IPPK: variants seen among roughly 807,000 people sequenced by gnomAD.
IPPK encodes the protein IPK1 homolog.
In IPPK, 22 loss-of-function variants were observed where a neutral mutation model predicts 64.6. The ratio of observed to expected loss-of-function variants is 0.34; its 90% CI spans 0.24 to 0.49. The LOEUF (loss-of-function observed/expected upper bound fraction) is 0.49. Among genes scored for constraint, IPPK ranks in the 20% least tolerant of loss-of-function variants. IPPK has a pLI of 0.99. For missense variants in IPPK, 532 were observed against 630.7 expected, an observed-to-expected ratio of 0.84 and a Z score of 1.68; for synonymous variants, 262 against 247.2, an observed-to-expected ratio of 1.06 and a Z score of -0.56.
intron 7 of IPPK, 76 bp downstream of exon 7, chr9:92,642,676 C>G (rs568154829): frequency 3.1e-6 from 4 of 1,276,464 alleles, no homozygotes; most frequent in Non-Finnish European, 4.6e-6. Flanking sequence ...AAATACCCCC[C>G]ACCAGGCACT....
intron 7 of IPPK, among the ~76,000 whole-genome samples, chr9:92,641,092 C>T (rs188947902): frequency 2.6e-5 from 4 of 152,356 alleles, no homozygotes; most frequent in Admixed American, 2.6e-4. Context: ...GGGAACCCCA[C>T]CAGCTGCATC....
rs1334910561 is a variant in IPPK, at chr9:92,655,707, T to C, written c.225+749A>G. On this transcript the variant is annotated intron_variant, in intron 3 of 12. Coordinates refer to ENST00000287996, the MANE Select transcript of IPPK (RefSeq NM_022755.6). The stretch of plus-strand genomic sequence containing the variant: ...GTTCCTTCCTCAAGGAGAAAACTTG[T>C]CACGGCACAGAGCCATCTAAGGGAT... 2.6e-5 allele frequency among the ~76,000 whole-genome samples: 4 copies of C among 152,154 alleles called. No individual in the cohort carries two copies. In the East Asian group the frequency reaches 5.8e-4, roughly 22 times the overall value.
chr9:92,638,113 C>T lies in IPPK; in HGVS notation c.804G>A (p.Val268=), dbSNP rs1340518755. 1 of 1,614,134 alleles carries T rather than the reference C, an allele frequency of 6.2e-7. No homozygotes were observed. The part of the protein sequence containing the change: ...IRELVHVITR[V]LLSGSDKGRA... ...GGCCCTTGTCCGAGCCACTCAGCAG[C>T]ACCCGTGTGATCACGTGCACCAGCT... The change falls in exon 9 of 13, where the codon GTG becomes GTA. Residue 268 remains valine (V), a synonymous_variant. Transcript: ENST00000287996.
intron 7 of IPPK, among the ~76,000 whole-genome samples, chr9:92,641,459 T>C (rs1852045088): frequency 6.6e-6 from 1 of 152,328 alleles, no homozygotes; most frequent in African/African-American, 2.4e-5. Flanking sequence ...CAGGGAGGTT[T>C]CCCTACTTAT....
intron 11 of IPPK, among the ~76,000 whole-genome samples, chr9:92,626,911 C>G (rs1439775814): frequency 1.4e-5 from 2 of 138,672 alleles, no homozygotes; most frequent in African/African-American, 5.1e-5. Context: ...TGTTTAAATG[C>G]TATTAAGAAA....
rs1851925382 is a variant in IPPK, at chr9:92,635,517, C to T, written c.917-209G>A. Among the ~76,000 whole-genome samples the T allele has an allele frequency of 6.6e-6, 1 of 152,216 alleles. No homozygotes were observed. The highest frequency in any genetic ancestry group is 2.4e-5 in the African/African-American group (1 of 41,460). ...TGCTGGAGCTGCAGCGTGCCTGGAC[C>T]ACACTGGATGCACCAGGCCAAGCAC... On this transcript the variant is annotated intron_variant, in intron 9 of 12. Transcript: ENST00000287996. The surrounding 1 kb of genome is among the most constrained non-coding windows in gnomAD (Gnocchi z 4.4).
chr9:92,651,104 C>T (rs1852258455), intron 4 of IPPK, among the ~76,000 whole-genome samples: 1 of 152,080 alleles, frequency 6.6e-6, no homozygotes, highest in Admixed American at 6.5e-5. Flanking sequence ...TAGCCACTGT[C>T]CTGTGGCGTT....
rs187993569 is a variant in IPPK at position 92,622,730 on chromosome 9, T to C, written c.1171-3165A>G. On this transcript the variant is annotated intron_variant, in intron 11 of 12. Transcript: ENST00000287996. ...CAGTGGCTTTTTTTTTAGTTTTTAATTTTTGTGGGATAGCAGTTTTGTTTG... is the reference window on the plus strand; with the variant it reads ...CAGTGGCTTTTTTTTTAGTTTTTAACTTTTGTGGGATAGCAGTTTTGTTTG... Among the ~76,000 whole-genome samples, 9 of 152,240 alleles carry C rather than the reference T, an allele frequency of 5.9e-5. No individual in the cohort carries two copies. The East Asian group carries it at 1.7e-3, about 29-fold the overall frequency.
chr9:92,664,898 G>A (rs1852562872), intron 1 of IPPK, among the ~76,000 whole-genome samples: 1 of 152,228 alleles, frequency 6.6e-6, no homozygotes, highest in Non-Finnish European at 1.5e-5. Context: ...CAGTCAGGCA[G>A]AAGAAAAGTG....
chr9:92,652,470 A>T, intron 4 of IPPK, 103 bp downstream of exon 4: 5 of 482,284 alleles, frequency 1.0e-5, no homozygotes, highest in Non-Finnish European at 1.8e-5. Context: ...AAAAAAAAGG[A>T]TTACTGAAAA....
rs183550774 is a variant in IPPK at position 92,659,692 on chromosome 9, G to A, written c.82-1011C>T. On this transcript the variant is annotated intron_variant, in intron 1 of 12. Coordinates refer to ENST00000287996, the MANE Select transcript of IPPK (RefSeq NM_022755.6). ...GGAGGAAGCAGGCTGCACTAAAGAC[G>A]GCTTAGAAAGGGCCATTTTCTAGAT... Among the ~76,000 whole-genome samples the A allele has an allele frequency of 4.5e-4, 69 of 152,170 alleles. 1 individual carries two copies. The East Asian group carries it at 0.012, about 26-fold the overall frequency.
At chr9:92,628,424 C>T (rs1239359434) in intron 11 of IPPK, among the ~76,000 whole-genome samples, 3 of 152,226 alleles carry the variant, frequency 2.0e-5, no homozygotes, top group East Asian at 1.9e-4. Flanking sequence ...TCAAAACCTA[C>T]TAAAAAGCAG....
chr9:92,637,425 T>C (rs762484948), intron 9 of IPPK, among the ~76,000 whole-genome samples: 23 of 152,180 alleles, frequency 1.5e-4, no homozygotes, highest in Non-Finnish European at 3.1e-4. Context: ...CCAGAGACCA[T>C]GGGGTCTCTA....
In IPPK at chr9:92,638,139, C is replaced by T; in HGVS notation, c.778G>A (p.Glu260Lys). ...GPHCTRAVIR[E>K]LVHVITRVLL... Reference sequence around the variant, plus strand: ...ACCCGTGTGATCACGTGCACCAGCTCCCTGATCACAGCCCTTGTGCAGTGG... The same window carrying T: ...ACCCGTGTGATCACGTGCACCAGCTTCCTGATCACAGCCCTTGTGCAGTGG... The change falls in exon 9 of 13, where the codon GAG (glutamate) becomes AAG (lysine). Residue 260 changes from glutamate (E) to lysine (K), a missense_variant. Glu to Lys is a moderately conservative substitution (Grantham distance 56). Coordinates refer to ENST00000287996, the MANE Select transcript of IPPK (RefSeq NM_022755.6). The T allele has an allele frequency of 1.5e-5, 25 of 1,614,210 alleles. No homozygotes were observed. Among genetic ancestry groups the T allele is most frequent in the Non-Finnish European group, 2.0e-5 (24 of 1,180,038 alleles).
At chr9:92,657,022 A>G (rs899451998) in intron 2 of IPPK, among the ~76,000 whole-genome samples, 2 of 152,090 alleles carry the variant, frequency 1.3e-5, no homozygotes, top group Admixed American at 6.6e-5. Context: ...ATGTCCCTCA[A>G]TGGCCCAGTA....
At position 92,623,182 on chromosome 9, in the gene IPPK, C is replaced by T. The variant is rs376871812; in HGVS notation, c.1171-3617G>A. On this transcript the variant is annotated intron_variant, in intron 11 of 12. Coordinates refer to ENST00000287996, the MANE Select transcript of IPPK (RefSeq NM_022755.6). ...AGGCACAATGACTCACACCTGTAAT[C>T]GCAGCACTTTGGGAGGCCGAGGCAA... is the stretch of plus-strand genomic sequence containing the variant. 9.9e-5 allele frequency among the ~76,000 whole-genome samples: 15 copies of T among 152,244 alleles called. No homozygotes were observed. The East Asian group carries it at 1.9e-3, about 20-fold the overall frequency.
chr9:92,656,877 C>T (rs1434921020), intron 2 of IPPK, among the ~76,000 whole-genome samples: 1 of 152,230 alleles, frequency 6.6e-6, no homozygotes, highest in Admixed American at 6.5e-5. Flanking sequence ...ACTTTGAAAA[C>T]CTCCGACATC....
At chr9:92,641,871 C>T (rs1455802167) in intron 7 of IPPK, among the ~76,000 whole-genome samples, 1 of 152,160 alleles carries the variant, frequency 6.6e-6, no homozygotes, top group Non-Finnish European at 1.5e-5. Flanking sequence ...ACCGGACTCA[C>T]CAGAACAGCT....
At chr9:92,663,071 T>C (rs1428408826) in intron 1 of IPPK, among the ~76,000 whole-genome samples, 2 of 152,196 alleles carry the variant, frequency 1.3e-5, no homozygotes, top group Admixed American at 1.3e-4. Flanking sequence ...TTTCTACATA[T>C]TTGTGCTATA....
Sources: allele counts gnomAD v4.1 joint callset (sites outside exome capture counted in the v4.1 genomes callset), GRCh38; gene constraint gnomAD v4.1.1; non-coding constraint Gnocchi (gnomAD v3.1); transcripts MANE v1.5; gene names NCBI Gene and HGNC (gene_info 2026-07-23, HGNC 2026-07-21).